The following LNX2 variants were observed in gnomAD, a reference collection of about 807,000 sequenced individuals.
The protein encoded by LNX2 is ligand of Numb protein X 2.
LNX2 carries 35 observed loss-of-function variants against 66.2 expected under a neutral mutation model. The ratio of observed to expected loss-of-function variants is 0.53; its 90% CI spans 0.40 to 0.70. The LOEUF is 0.70. LNX2 is among the 30% of genes least tolerant of loss of function. The probability of loss-of-function intolerance (pLI) is 0.00; values close to 1 mark genes in which losing one functional copy is unlikely to be tolerated. For synonymous variants in LNX2, 337 were observed against 315.6 expected (o/e 1.07, Z -0.72); for missense variants, 791 against 850.8 (o/e 0.93, Z 0.87).
At chr13:27,587,963 G>A (rs546905170) in intron 1 of LNX2, among the ~76,000 whole-genome samples, 8 of 143,432 alleles carry the variant, frequency 5.6e-5, no homozygotes, top group African/African-American at 2.0e-4. Flanking sequence ...AGAGCTTGCA[G>A]TAAGCCGAGA....
intron 1 of LNX2, among the ~76,000 whole-genome samples, chr13:27,583,195 T>TGCGCGCGCGC (rs1566124618): frequency 7.2e-5 from 1 of 13,826 alleles, no homozygotes; most frequent in African/African-American, 2.0e-4. Flanking sequence ...TGTGTGTGTG[T>TGCGCGCGCGC]GTGTGTGTGT....
At chr13:27,598,218 A>AAG (rs1955620709) in intron 1 of LNX2, among the ~76,000 whole-genome samples, 1 of 151,782 alleles carries the variant, frequency 6.6e-6, no homozygotes, top group Non-Finnish European at 1.5e-5. Flanking sequence ...AAAAAAAAAA[A>AAG]AAGACATGAT....
At chr13:27,619,851 C>A (rs1468572275) in intron 1 of LNX2, among the ~76,000 whole-genome samples, 1 of 152,152 alleles carries the variant, frequency 6.6e-6, no homozygotes. Flanking sequence ...AATCTCTCTC[C>A]CACCCTCTCC....
chr13:27,596,621 A>C (rs1000390585), intron 1 of LNX2, among the ~76,000 whole-genome samples: 1 of 152,042 alleles, frequency 6.6e-6, no homozygotes, highest in Non-Finnish European at 1.5e-5. Flanking sequence ...CCTCCGTTTC[A>C]ATATTACATT....
chr13:27,559,100 A>C (rs570052403), intron 6 of LNX2, among the ~76,000 whole-genome samples: 2 of 152,294 alleles, frequency 1.3e-5, no homozygotes, highest in South Asian at 4.1e-4. Flanking sequence ...TAAGAGTTCA[A>C]ATGAAGGATG....
At chr13:27,562,961 C>A (rs1955156000) in intron 4 of LNX2, among the ~76,000 whole-genome samples, 180 bp from the exon 5 acceptor site, 8 of 152,164 alleles carry the variant, frequency 5.3e-5, no homozygotes, top group Admixed American at 5.2e-4. Flanking sequence ...AACAGAGTTT[C>A]TAATATTAAC....
intron 1 of LNX2, among the ~76,000 whole-genome samples, chr13:27,590,274 G>C (rs1462315355): frequency 6.6e-6 from 1 of 151,424 alleles, no homozygotes; most frequent in Non-Finnish European, 1.5e-5. Context: ...TCACCCTGTT[G>C]CCCAGGCTGG....
Position 27,562,801 on chromosome 13 carries a change from A to C in LNX2, c.856-20T>G. The C allele has an allele frequency of 6.3e-7, 1 of 1,587,660 alleles. No individual in the cohort carries two copies. The highest frequency in any genetic ancestry group is 8.6e-7 in the Non-Finnish European group (1 of 1,165,678). Reference sequence around the variant, plus strand: ...GTTGACCTAGAAAAAAAGAATTGTGACCGAAGTGTGACAACCTTTTATTTT... The same window carrying C: ...GTTGACCTAGAAAAAAAGAATTGTGCCCGAAGTGTGACAACCTTTTATTTT... On this transcript the variant is annotated intron_variant, in intron 4 of 9. Transcript: ENST00000316334.
intron 1 of LNX2, among the ~76,000 whole-genome samples, chr13:27,592,716 G>A (rs1019003461): frequency 6.6e-6 from 1 of 152,222 alleles, no homozygotes; most frequent in Non-Finnish European, 1.5e-5. Context: ...GGGGGACGAA[G>A]AGGACCAGGC....
Position 27,574,690 on chromosome 13 carries a change from T to C in LNX2, c.408-5414A>G, listed in dbSNP as rs150764503. Among the ~76,000 whole-genome samples, 722 of 152,198 alleles carry C rather than the reference T, an allele frequency of 4.7e-3. 4 individuals carry two copies. Among genetic ancestry groups the C allele is most frequent in the African/African-American group, 0.016 (663 of 41,528 alleles). The stretch of plus-strand genomic sequence containing the variant: ...ATCTTCCCAAATTTGATGAAAAACA[T>C]TTATCTACACATCCAAGAAGCTTAA... On this transcript the variant is annotated intron_variant, in intron 2 of 9. Coordinates refer to ENST00000316334, the MANE Select transcript of LNX2 (RefSeq NM_153371.4).
chr13:27,576,355 G>A (rs1390324572), intron 2 of LNX2, among the ~76,000 whole-genome samples: 1 of 152,106 alleles, frequency 6.6e-6, no homozygotes, highest in East Asian at 1.9e-4. Flanking sequence ...ATTAACAGCA[G>A]AATTTACATT....
intron 8 of LNX2, 102 bp downstream of exon 8, chr13:27,553,106 C>CTT (rs140699650): frequency 3.9e-5 from 33 of 852,996 alleles, no homozygotes; most frequent in African/African-American, 2.3e-4. Context: ...TGAATTAAAG[C>CTT]TTTTTTTTTT....
chr13:27,581,826 T>A, intron 1 of LNX2, 23 bp from the exon 2 acceptor site: 2 of 670,488 alleles, frequency 3.0e-6, no homozygotes, highest in Non-Finnish European at 2.4e-6. Context: ...AACAAACACA[T>A]TAAAAAAGGT....
At chr13:27,553,618 T>C (rs116289796) in intron 7 of LNX2, among the ~76,000 whole-genome samples, 179 bp from the exon 8 acceptor site, 5,996 of 152,210 alleles carry the variant, frequency 0.039, 142 homozygotes, top group East Asian at 0.093. Context: ...AGAAACCCAA[T>C]ACACAGAAAA....
intron 1 of LNX2, among the ~76,000 whole-genome samples, chr13:27,593,251 C>G (rs1283883496): frequency 2.6e-5 from 4 of 152,160 alleles, no homozygotes; most frequent in African/African-American, 4.8e-5. Flanking sequence ...TTCTTCCAAT[C>G]TCTTTCTCCC....
intron 4 of LNX2, among the ~76,000 whole-genome samples, chr13:27,566,047 A>C (rs1230825844): frequency 6.6e-6 from 1 of 152,208 alleles, no homozygotes; most frequent in Non-Finnish European, 1.5e-5. Flanking sequence ...ACTACAAGCT[A>C]TGAGAAATCT....
rs150124692 is a variant in LNX2 at position 27,615,283 on chromosome 13, T to C, written c.-101+5092A>G. The stretch of plus-strand genomic sequence containing the variant: ...ATACACTTACTTAGGTTTACCAGTT[T>C]ATTATAAAAGATATTACAAAGGATA... On this transcript the variant is annotated intron_variant, in intron 1 of 9. Transcript: ENST00000316334. Among the ~76,000 whole-genome samples the C allele has an allele frequency of 1.2e-3, 189 of 152,296 alleles. 1 individual carries two copies. The highest frequency in any genetic ancestry group is 4.3e-3 in the African/African-American group (177 of 41,554).
chr13:27,592,700 C>G (rs1301735793), intron 1 of LNX2, among the ~76,000 whole-genome samples: 1 of 152,148 alleles, frequency 6.6e-6, no homozygotes, highest in East Asian at 1.9e-4. Flanking sequence ...ACCTTGGCAC[C>G]TTTCTGGGGG....
At chr13:27,554,430 A>G (rs565021343) in intron 7 of LNX2, among the ~76,000 whole-genome samples, 2 of 151,664 alleles carry the variant, frequency 1.3e-5, no homozygotes, top group Non-Finnish European at 3.0e-5. Context: ...GCAACTACTA[A>G]TCTACTTTCT....
Sources: gnomAD v4.1 joint callset for allele counts (sites outside exome capture counted in the v4.1 genomes callset) on GRCh38, gnomAD v4.1.1 for gene constraint, MANE v1.5 for transcripts, NCBI Gene and HGNC (gene_info 2026-07-23, HGNC 2026-07-21) for gene names.